Variants in PCDH15 observed in about 807,000 individuals in gnomAD.
The protein encoded by PCDH15 is protocadherin-15.
A neutral mutation model predicts 178.5 loss-of-function variants in PCDH15; 129 were observed. That is an observed-to-expected ratio of 0.72 (90% confidence interval 0.63 to 0.84). The LOEUF (loss-of-function observed/expected upper bound fraction) is 0.84, where lower values mean the gene tolerates loss of function less well. Among genes scored for constraint, PCDH15 ranks in the 40% least tolerant of loss-of-function variants. The pLI is 0.00. For missense variants in PCDH15, 2,230 were observed against 2,099.9 expected (o/e 1.06, Z -1.21); for synonymous variants, 800 against 732.0 (o/e 1.09, Z -1.50).
At position 53,995,658 on chromosome 10, in the gene PCDH15, T is replaced by C; in HGVS notation, c.2859A>G (p.Ala953=). The C allele has an allele frequency of 6.2e-7, 1 of 1,613,958 alleles. No homozygotes were observed. Among genetic ancestry groups the C allele is most frequent in the Non-Finnish European group, 8.5e-7 (1 of 1,179,830 alleles). ...AATGCCTTCTACTTACAGGAGGGTCTGCATCTTCAGCATAAACTGTTGTGA... is the reference window on the plus strand; with the variant it reads ...AATGCCTTCTACTTACAGGAGGGTCCGCATCTTCAGCATAAACTGTTGTGA... ...TPITTVYAED[A]DPPGLPASRV... The change falls in exon 21 of 38, where the codon GCA becomes GCG. Residue 953 remains alanine (A), a synonymous_variant. Transcript: ENST00000644397.
At chr10:54,500,766 G>T (rs772135120) in intron 3 of PCDH15, among the ~76,000 whole-genome samples, 6 of 152,064 alleles carry the variant, frequency 3.9e-5, no homozygotes, top group South Asian at 2.1e-4. Flanking sequence ...GGCAAGAGAG[G>T]TTGCTGAGAT....
At chr10:54,599,116 T>A (rs188902337) in intron 2 of PCDH15, among the ~76,000 whole-genome samples, 44 of 152,182 alleles carry the variant, frequency 2.9e-4, no homozygotes, top group African/African-American at 1.0e-3. Flanking sequence ...CCTATCCAAT[T>A]AGCAATTACA....
intron 1 of PCDH15, among the ~76,000 whole-genome samples, chr10:55,290,827 A>AAAGGTAT (rs1842989526): frequency 1.3e-5 from 2 of 152,170 alleles, no homozygotes; most frequent in South Asian, 4.1e-4. Context: ...GAAAACAAGA[A>AAAGGTAT]AAGGTATGTT....
chr10:55,068,709 C>A (rs1029879071), intron 2 of PCDH15, among the ~76,000 whole-genome samples: 2 of 151,992 alleles, frequency 1.3e-5, no homozygotes, highest in African/African-American at 4.8e-5. Context: ...ATTAATTCTA[C>A]CACTCCAAGA....
chr10:53,803,742 C>T lies in PCDH15; in HGVS notation c.*2837G>A, dbSNP rs1203200238. ...TTTTCTCATTCTTCCTCTGCTTTCCCTTAATGCCCACAAGACCTTCTAAAA... is the reference window on the plus strand; with the variant it reads ...TTTTCTCATTCTTCCTCTGCTTTCCTTTAATGCCCACAAGACCTTCTAAAA... On this transcript the variant is annotated 3_prime_UTR_variant, in exon 38 of 38. Coordinates refer to ENST00000644397, the MANE Select transcript of PCDH15 (RefSeq NM_001384140.1). 6.6e-6 allele frequency: 1 copy of T among 151,880 alleles called. No individual in the cohort carries two copies. The highest frequency in any genetic ancestry group is 1.9e-4 in the East Asian group (1 of 5,178). 9.4% of individuals were successfully genotyped at this position (151,880 alleles called of 1,614,324 possible).
At chr10:54,305,330 A>AT (rs1202852671) in intron 8 of PCDH15, among the ~76,000 whole-genome samples, 1 of 151,836 alleles carries the variant, frequency 6.6e-6, no homozygotes, top group Non-Finnish European at 1.5e-5. Flanking sequence ...TTATCTAGGT[A>AT]TTTTTTTTGA....
chr10:53,953,646 T>G (rs908581989), intron 23 of PCDH15, among the ~76,000 whole-genome samples: 4 of 152,204 alleles, frequency 2.6e-5, no homozygotes, highest in Non-Finnish European at 4.4e-5. Flanking sequence ...TCATTTTCCT[T>G]GAGAAATGTG....
intron 1 of PCDH15, among the ~76,000 whole-genome samples, chr10:55,293,470 A>G (rs1191346122): frequency 2.0e-5 from 3 of 152,142 alleles, no homozygotes; most frequent in African/African-American, 7.2e-5. Flanking sequence ...AGAAAATGGG[A>G]TATTCTTTTC....
Position 53,822,989 on chromosome 10 carries a change from GCTGA to G in PCDH15, c.4368-2763_4368-2760del, listed in dbSNP as rs770063261. ...CTTTCCTCATCAGCCTCCTGGGTAAGCTGACTGACTGACTCCACAGCCTCTGAAT... is the reference window on the plus strand; with the variant it reads ...CTTTCCTCATCAGCCTCCTGGGTAAGCTGACTGACTCCACAGCCTCTGAAT... On this transcript the variant is annotated intron_variant, in intron 32 of 37. Transcript: ENST00000644397. 2.5e-6 allele frequency: 4 copies of G among 1,613,918 alleles called. No homozygotes were observed. Among genetic ancestry groups the G allele is most frequent in the Non-Finnish European group, 2.5e-6 (3 of 1,179,976 alleles).
At chr10:54,082,894 C>T (rs2094456809) in intron 16 of PCDH15, among the ~76,000 whole-genome samples, 1 of 151,798 alleles carries the variant, frequency 6.6e-6, no homozygotes, top group Non-Finnish European at 1.5e-5. Flanking sequence ...TAAAGGATTA[C>T]ATAACTTAAC....
chr10:54,688,759 C>G (rs974188741), intron 1 of PCDH15, among the ~76,000 whole-genome samples: 3 of 151,998 alleles, frequency 2.0e-5, no homozygotes, highest in Non-Finnish European at 4.4e-5. Context: ...AGCAGCATCT[C>G]AAAATCAACT....
At chr10:53,889,081 A>T (rs770153453) in intron 26 of PCDH15, among the ~76,000 whole-genome samples, 1 of 151,876 alleles carries the variant, frequency 6.6e-6, no homozygotes, top group African/African-American at 2.4e-5. Context: ...AAAAAATCCC[A>T]TATGGACTGT....
intron 2 of PCDH15, among the ~76,000 whole-genome samples, chr10:55,507,566 TA>T (rs1312670926): frequency 1.3e-5 from 2 of 151,638 alleles, no homozygotes; most frequent in African/African-American, 4.8e-5. Flanking sequence ...TTAATTTTTT[TA>T]AAATTTGAGA....
chr10:55,422,273 A>C (rs1838640698), intron 2 of PCDH15, among the ~76,000 whole-genome samples: 1 of 151,918 alleles, frequency 6.6e-6, no homozygotes, highest in African/African-American at 2.4e-5. Context: ...AGATACCTTA[A>C]AGAATAGTCA....
intron 18 of PCDH15, among the ~76,000 whole-genome samples, chr10:54,031,017 A>T (rs1182185353): frequency 6.6e-6 from 1 of 152,086 alleles, no homozygotes. Flanking sequence ...GACATGAGAT[A>T]GCCAAGCTGC....
At chr10:55,186,443 C>T (rs1234928458) in intron 1 of PCDH15, among the ~76,000 whole-genome samples, 1 of 151,030 alleles carries the variant, frequency 6.6e-6, no homozygotes, top group Non-Finnish European at 1.5e-5. Context: ...CATATATATA[C>T]AATAATTTTA....
intron 2 of PCDH15, among the ~76,000 whole-genome samples, chr10:54,587,872 T>C (rs1174905372): frequency 6.6e-6 from 1 of 152,178 alleles, no homozygotes; most frequent in Non-Finnish European, 1.5e-5. Context: ...AACAGAGTTA[T>C]AGAAAGAAAG....
At chr10:55,267,193 C>T (rs1842321932) in intron 1 of PCDH15, among the ~76,000 whole-genome samples, 1 of 152,098 alleles carries the variant, frequency 6.6e-6, no homozygotes, top group South Asian at 2.1e-4. Context: ...TACACACACA[C>T]ATATATACAT....
At chr10:55,398,526 C>G (rs1340770778) in intron 2 of PCDH15, among the ~76,000 whole-genome samples, 1 of 152,106 alleles carries the variant, frequency 6.6e-6, no homozygotes, top group Non-Finnish European at 1.5e-5. Flanking sequence ...TCTCTTGTCC[C>G]ACACCCCAAC....
Sources: gnomAD v4.1 joint callset for allele counts (sites outside exome capture counted in the v4.1 genomes callset) on GRCh38, gnomAD v4.1.1 for gene constraint, MANE v1.5 for transcripts, NCBI Gene and HGNC (gene_info 2026-07-23, HGNC 2026-07-21) for gene names.